NUDCD1: variants seen among roughly 807,000 people sequenced by gnomAD.
NUDCD1 encodes nudC domain-containing protein 1.
In NUDCD1, 60 loss-of-function variants were observed where a neutral mutation model predicts 67.8. The ratio of observed to expected loss-of-function variants is 0.88; its 90% confidence interval spans 0.72 to 1.10. NUDCD1 has a LOEUF of 1.10. Ranked by LOEUF, NUDCD1 falls within the 50% of genes least tolerant of loss-of-function variation. The pLI is 0.00. For synonymous variants in NUDCD1, 244 were observed against 230.8 expected, an observed-to-expected ratio of 1.06 and a Z score of -0.52; for missense variants, 643 against 695.0, an observed-to-expected ratio of 0.93 and a Z score of 0.84.
intron 3 of NUDCD1, 98 bp downstream of exon 3, chr8:109,296,286 A>G (rs1261575017): frequency 1.4e-5 from 13 of 906,122 alleles, no homozygotes; most frequent in Admixed American, 2.3e-5. Context: ...ACAACAGATC[A>G]CATGTAAACC....
At chr8:109,292,169 A>T (rs1814725556) in intron 4 of NUDCD1, among the ~76,000 whole-genome samples, 2 of 152,036 alleles carry the variant, frequency 1.3e-5, no homozygotes, top group South Asian at 4.1e-4. Flanking sequence ...ACACAACTAT[A>T]CTCATTCATT....
chr8:109,260,788 T>G (rs1813848250), intron 8 of NUDCD1, among the ~76,000 whole-genome samples: 1 of 151,628 alleles, frequency 6.6e-6, no homozygotes, highest in Admixed American at 6.6e-5. Flanking sequence ...TCACATAAAT[T>G]GCAATATTTG....
intron 7 of NUDCD1, 111 bp downstream of exon 7, chr8:109,275,241 T>C (rs1814254609): frequency 3.3e-6 from 3 of 922,808 alleles, no homozygotes; most frequent in African/African-American, 3.3e-5. Context: ...GTATCTGATA[T>C]GTATCTTTTA....
At chr8:109,295,245 G>A (rs1039873434) in intron 3 of NUDCD1, among the ~76,000 whole-genome samples, 2 of 152,126 alleles carry the variant, frequency 1.3e-5, no homozygotes, top group Admixed American at 1.3e-4. Context: ...AAAATCTACA[G>A]AATCCATACA....
chr8:109,250,723 G>A (rs1224426599), intron 8 of NUDCD1, among the ~76,000 whole-genome samples: 1 of 151,970 alleles, frequency 6.6e-6, no homozygotes, highest in Admixed American at 6.6e-5. Flanking sequence ...CTACTAGGAT[G>A]ATCAAATATT....
chr8:109,313,337 A>G (rs949635975), intron 2 of NUDCD1, among the ~76,000 whole-genome samples: 7 of 152,218 alleles, frequency 4.6e-5, no homozygotes, highest in Non-Finnish European at 1.0e-4. Context: ...ATACTGACAT[A>G]AAATACTGAT....
intron 5 of NUDCD1, among the ~76,000 whole-genome samples, chr8:109,282,970 GAC>G (rs1392872775): frequency 6.6e-6 from 1 of 151,822 alleles, no homozygotes; most frequent in African/African-American, 2.4e-5. Flanking sequence ...TCAGAAAAAA[GAC>G]ACAAAGAATT....
chr8:109,333,870 C>T, intron 1 of NUDCD1, 23 bp downstream of exon 1: 2 of 1,613,110 alleles, frequency 1.2e-6, no homozygotes, highest in Non-Finnish European at 1.7e-6. Flanking sequence ...GAACGGAGTA[C>T]GAAGGGCGCC....
intron 3 of NUDCD1, among the ~76,000 whole-genome samples, chr8:109,295,105 G>A (rs1460516804): frequency 6.6e-6 from 1 of 152,082 alleles, no homozygotes; most frequent in African/African-American, 2.4e-5. Flanking sequence ...TTATTTAAAA[G>A]ATACTATTGA....
chr8:109,252,277 C>T (rs1813638504), intron 8 of NUDCD1, among the ~76,000 whole-genome samples: 1 of 152,140 alleles, frequency 6.6e-6, no homozygotes, highest in South Asian at 2.1e-4. Flanking sequence ...ATACTGCCCT[C>T]CTCCAGTGGT....
chr8:109,314,458 C>T (rs975363250), intron 2 of NUDCD1, among the ~76,000 whole-genome samples: 24 of 152,076 alleles, frequency 1.6e-4, no homozygotes, highest in Non-Finnish European at 2.2e-4. Flanking sequence ...AATAATTTGC[C>T]TGGAGCTCCA....
intron 8 of NUDCD1, among the ~76,000 whole-genome samples, chr8:109,262,608 T>C (rs1044855030): frequency 2.6e-5 from 4 of 152,196 alleles, no homozygotes; most frequent in Admixed American, 2.0e-4. Context: ...GAATTGGGTA[T>C]TTGGCAAACA....
intron 2 of NUDCD1, among the ~76,000 whole-genome samples, chr8:109,311,141 G>A (rs978751638): frequency 6.6e-6 from 1 of 151,994 alleles, no homozygotes; most frequent in Non-Finnish European, 1.5e-5. Flanking sequence ...AAAAGAAGAT[G>A]TACAAATGGC....
At chr8:109,332,272 T>C (rs1377253912) in intron 1 of NUDCD1, among the ~76,000 whole-genome samples, 3 of 152,070 alleles carry the variant, frequency 2.0e-5, no homozygotes, top group Non-Finnish European at 4.4e-5. Flanking sequence ...CTACTAGAGT[T>C]CAGGTAAGAG....
chr8:109,251,417 C>G (rs563603586), intron 8 of NUDCD1, among the ~76,000 whole-genome samples: 1 of 151,998 alleles, frequency 6.6e-6, no homozygotes, highest in South Asian at 2.1e-4. Context: ...GTGATCCACC[C>G]GCCTCAGCCT....
At chr8:109,333,847 C>T (rs779166278) in intron 1 of NUDCD1, 46 bp downstream of exon 1, 3 of 1,605,994 alleles carry the variant, frequency 1.9e-6, no homozygotes, top group Non-Finnish European at 2.6e-6. Context: ...CGGAGGCAGC[C>T]GAAAGGGGAA....
At chr8:109,271,448 C>T (rs1416138765) in intron 7 of NUDCD1, among the ~76,000 whole-genome samples, 1 of 152,082 alleles carries the variant, frequency 6.6e-6, no homozygotes, top group African/African-American at 2.4e-5. Context: ...AAAAACAAAA[C>T]AGATGTGACA....
At chr8:109,251,817 T>C (rs1037017994) in intron 8 of NUDCD1, among the ~76,000 whole-genome samples, 1 of 152,074 alleles carries the variant, frequency 6.6e-6, no homozygotes, top group African/African-American at 2.4e-5. Context: ...AGTTTGCTCT[T>C]CTTTTCCTAG....
Position 109,293,420 on chromosome 8 carries a change from C to G in NUDCD1, c.564G>C (p.Glu188Asp). The part of the protein sequence containing the change: ...HSIATLLLRI[E>D]KEELDMKGSG... ...TTCCTTTCATATCCAATTCCTCTTTCTCTATTCGAAGAAGTAGGGTAGCTA... is the reference window on the plus strand; with the variant it reads ...TTCCTTTCATATCCAATTCCTCTTTGTCTATTCGAAGAAGTAGGGTAGCTA... The change falls in exon 4 of 10, where the codon GAG becomes GAC. Residue 188 changes from glutamate to aspartate, a missense_variant. Glu to Asp is a conservative substitution (Grantham distance 45). Transcript: ENST00000239690. 3.8e-6 allele frequency: 6 copies of G among 1,589,990 alleles called. No homozygotes were observed. Among genetic ancestry groups the G allele is most frequent in the Non-Finnish European group, 5.1e-6 (6 of 1,166,518 alleles).
Sources: gnomAD v4.1 joint callset for allele counts (sites outside exome capture counted in the v4.1 genomes callset) on GRCh38, gnomAD v4.1.1 for gene constraint, MANE v1.5 for transcripts, NCBI Gene and HGNC (gene_info 2026-07-23, HGNC 2026-07-21) for gene names.